Variants in LIN7A observed in about 807,000 individuals in gnomAD.
The protein encoded by LIN7A is protein lin-7 homolog A.
LIN7A carries 25 observed loss-of-function variants against 29.8 expected under a neutral mutation model. The observed-to-expected ratio is 0.84, with a 90% CI of 0.61 to 1.17. The LOEUF is 1.17. Among genes scored for constraint, LIN7A ranks in the 50% most tolerant of loss-of-function variants. The pLI, the probability that LIN7A is intolerant of heterozygous loss-of-function variation, is 0.00. For synonymous variants in LIN7A, 118 were observed against 107.5 expected (o/e 1.10, Z -0.60); for missense variants, 239 against 287.0 (o/e 0.83, Z 1.21).
At chr12:80,800,225 C>T (rs1290472640) in intron 5 of LIN7A, among the ~76,000 whole-genome samples, 1 of 152,052 alleles carries the variant, frequency 6.6e-6, no homozygotes, top group Non-Finnish European at 1.5e-5. Context: ...TACGGTGGCT[C>T]ACACCTGTAA....
At chr12:80,920,724 C>A (rs1206313944) in intron 1 of LIN7A, among the ~76,000 whole-genome samples, 1 of 152,096 alleles carries the variant, frequency 6.6e-6, no homozygotes, top group African/African-American at 2.4e-5. Context: ...AAATTATATT[C>A]TTTAAAGCTC....
intron 1 of LIN7A, among the ~76,000 whole-genome samples, chr12:80,915,231 A>G (rs1876974109): frequency 6.6e-6 from 1 of 152,164 alleles, no homozygotes; most frequent in South Asian, 2.1e-4. Context: ...ACACTTCTCA[A>G]AAGAAGACAT....
In LIN7A at chr12:80,807,081, T is replaced by TTTTTTTTTTTGTTTG. The variant is rs1171295624; in HGVS notation, c.*4383_*4384insCAAACAAAAAAAAAA. ...AGATGGAGTTTTTTTTTTTTTTTTT[T>TTTTTTTTTTTGTTTG]TTTTTTTTTTGACGGAGTCTCGCTC... On this transcript the variant is annotated intron_variant, in intron 5 of 5. Transcript: ENST00000552864. Among the ~76,000 whole-genome samples, 3 of 135,580 alleles carry TTTTTTTTTTTGTTTG rather than the reference T, an allele frequency of 2.2e-5. 1 individual carries two copies. The highest frequency in any genetic ancestry group is 4.7e-4 in the South Asian group (2 of 4,268). The allele number at this position is 135,580 out of a possible 152,430, so 88.9% of individuals were successfully genotyped here. A position where few individuals can be genotyped will look rare whatever the true frequency, so the allele number is the denominator to read the frequency against.
intron 1 of LIN7A, among the ~76,000 whole-genome samples, chr12:80,926,243 G>A (rs1482854078): frequency 6.6e-6 from 1 of 152,144 alleles, no homozygotes; most frequent in Non-Finnish European, 1.5e-5. Context: ...AATCTATCTT[G>A]TTTATTTCTG....
At chr12:80,916,598 A>C (rs930975619) in intron 1 of LIN7A, among the ~76,000 whole-genome samples, 2 of 152,142 alleles carry the variant, frequency 1.3e-5, no homozygotes, top group Non-Finnish European at 2.9e-5. Context: ...TGTTGTATTC[A>C]CTGCTGCAGT....
At chr12:80,879,239 C>A (rs1181946942) in intron 2 of LIN7A, among the ~76,000 whole-genome samples, 2 of 148,162 alleles carry the variant, frequency 1.3e-5, no homozygotes, top group East Asian at 2.0e-4. Flanking sequence ...TATTATAGAC[C>A]TTATTAATTA....
intron 2 of LIN7A, among the ~76,000 whole-genome samples, chr12:80,873,603 T>C (rs1326737888): frequency 6.6e-6 from 1 of 152,010 alleles, no homozygotes; most frequent in Non-Finnish European, 1.5e-5. Context: ...TATCTTTGCA[T>C]TTAACATGAA....
Position 80,845,808 on chromosome 12 carries a change from A to C in LIN7A, c.405T>G (p.Ser135=). Residue 135 remains serine, a synonymous_variant, in exon 4 of 6, where the codon TCT becomes TCG. Transcript: ENST00000552864. The part of the protein sequence containing the change: ...GKEQNSPIYI[S]RIIPGGVAER... ...CAGCCACCCCTCCAGGAATTATGCG[A>C]GAGATATAAATGGGGGAATTTTGCT... The C allele has an allele frequency of 1.2e-6, 2 of 1,614,022 alleles. No individual in the cohort carries two copies. Among genetic ancestry groups the C allele is most frequent in the Non-Finnish European group, 1.7e-6 (2 of 1,179,944 alleles).
At chr12:80,821,301 A>G (rs977403120) in intron 4 of LIN7A, among the ~76,000 whole-genome samples, 1 of 152,174 alleles carries the variant, frequency 6.6e-6, no homozygotes, top group Non-Finnish European at 1.5e-5. Context: ...GTCCCAGGAA[A>G]TGCATCAGGC....
intron 4 of LIN7A, among the ~76,000 whole-genome samples, chr12:80,844,814 G>A (rs1872984347): frequency 1.3e-5 from 2 of 152,000 alleles, no homozygotes; most frequent in South Asian, 4.1e-4. Flanking sequence ...ACTTTAAAAT[G>A]TTACATATTT....
At chr12:80,894,675 T>A (rs1875793630) in intron 1 of LIN7A, among the ~76,000 whole-genome samples, 1 of 152,134 alleles carries the variant, frequency 6.6e-6, no homozygotes, top group Non-Finnish European at 1.5e-5. Context: ...AAAATCTGTT[T>A]TTTAGTACTC....
intron 2 of LIN7A, among the ~76,000 whole-genome samples, chr12:80,852,791 C>T (rs1873395231): frequency 1.3e-5 from 2 of 152,284 alleles, no homozygotes; most frequent in South Asian, 4.1e-4. Flanking sequence ...ACTAGACAGA[C>T]TCATCTCACA....
At chr12:80,838,041 GTA>G (rs2121532493) in intron 4 of LIN7A, among the ~76,000 whole-genome samples, 1 of 152,226 alleles carries the variant, frequency 6.6e-6, no homozygotes, top group Admixed American at 6.5e-5. Context: ...ACAATAAATG[GTA>G]AAAATAACTA....
chr12:80,827,339 A>T (rs1244137391), intron 4 of LIN7A, among the ~76,000 whole-genome samples: 2 of 152,124 alleles, frequency 1.3e-5, no homozygotes, highest in Non-Finnish European at 2.9e-5. Context: ...GTGAGCTGAG[A>T]TCCTGCCACT....
intron 1 of LIN7A, among the ~76,000 whole-genome samples, chr12:80,929,265 A>G (rs966910414): frequency 6.6e-6 from 1 of 152,200 alleles, no homozygotes; most frequent in Non-Finnish European, 1.5e-5. Flanking sequence ...CAGCATTCTA[A>G]TTTGATTCAA....
chr12:80,807,286 G>A (rs1448674749), intron 5 of LIN7A, among the ~76,000 whole-genome samples: 6 of 151,840 alleles, frequency 4.0e-5, no homozygotes. Context: ...TAGCCAGGAT[G>A]GTCTCGATCT....
intron 1 of LIN7A, among the ~76,000 whole-genome samples, chr12:80,897,801 T>C (rs931900455): frequency 6.6e-6 from 1 of 151,808 alleles, no homozygotes; most frequent in African/African-American, 2.4e-5. Flanking sequence ...TAAGACTGTC[T>C]CAAAAAAAAT....
chr12:80,902,999 A>G (rs187692776), intron 1 of LIN7A, among the ~76,000 whole-genome samples: 3 of 151,594 alleles, frequency 2.0e-5, no homozygotes, highest in Non-Finnish European at 3.0e-5. Flanking sequence ...TGGGTTTGTC[A>G]TAAATAGCTT....
At chr12:80,874,753 G>A (rs1216605146) in intron 2 of LIN7A, among the ~76,000 whole-genome samples, 6 of 152,206 alleles carry the variant, frequency 3.9e-5, no homozygotes, top group Admixed American at 3.9e-4. Context: ...GGAGACTGAG[G>A]CAGGCGGATC....
Sources: gnomAD v4.1 joint callset for allele counts (sites outside exome capture counted in the v4.1 genomes callset) on GRCh38, gnomAD v4.1.1 for gene constraint, MANE v1.5 for transcripts, NCBI Gene and HGNC (gene_info 2026-07-23, HGNC 2026-07-21) for gene names.